Variants in SCFD2 observed in about 807,000 individuals in gnomAD.
The protein encoded by SCFD2 is sec1 family domain-containing protein 2.
In SCFD2, 54 loss-of-function variants were observed where a neutral mutation model predicts 58.9. The ratio of observed to expected loss-of-function variants is 0.92; its 90% CI spans 0.74 to 1.15. The LOEUF is 1.15. Ranked by LOEUF, SCFD2 falls within the 50% of genes most tolerant of loss-of-function variation. The pLI is 0.00. For synonymous variants in SCFD2, 321 were observed against 335.9 expected (o/e 0.96, Z 0.49); for missense variants, 805 against 836.6 (o/e 0.96, Z 0.47).
chr4:52,909,771 G>A (rs1034754335), intron 6 of SCFD2, among the ~76,000 whole-genome samples: 1 of 152,064 alleles, frequency 6.6e-6, no homozygotes, highest in Non-Finnish European at 1.5e-5. Context: ...TCAGGAAGTA[G>A]GAGACATTTA....
chr4:52,967,729 G>C (rs986394904), intron 5 of SCFD2, among the ~76,000 whole-genome samples: 1 of 152,154 alleles, frequency 6.6e-6, no homozygotes, highest in African/African-American at 2.4e-5. Context: ...CCATTGCCCT[G>C]TTTGCTGGTT....
At chr4:53,012,495 G>A (rs1170354233) in intron 5 of SCFD2, among the ~76,000 whole-genome samples, 2 of 152,028 alleles carry the variant, frequency 1.3e-5, no homozygotes, top group Non-Finnish European at 2.9e-5. Flanking sequence ...ACCCAGGGCT[G>A]GCTATTTGGT....
At chr4:53,162,569 T>C (rs1248096890) in intron 4 of SCFD2, among the ~76,000 whole-genome samples, 1 of 152,134 alleles carries the variant, frequency 6.6e-6, no homozygotes, top group Non-Finnish European at 1.5e-5. Context: ...TGTAAAAGTG[T>C]TCCTATTTCT....
intron 5 of SCFD2, among the ~76,000 whole-genome samples, chr4:53,007,606 T>C (rs1312327944): frequency 6.6e-6 from 1 of 152,118 alleles, no homozygotes; most frequent in East Asian, 1.9e-4. Context: ...ACCTCACTTC[T>C]CTATGTGTCA....
At chr4:52,874,600 GC>G (rs1264178896) in intron 8 of SCFD2, among the ~76,000 whole-genome samples, 1 of 152,142 alleles carries the variant, frequency 6.6e-6, no homozygotes, top group Non-Finnish European at 1.5e-5. Context: ...TAGTTCTGGA[GC>G]CTAGAAGTCC....
chr4:53,321,630 A>G (rs775502383), intron 2 of SCFD2, among the ~76,000 whole-genome samples: 1 of 152,218 alleles, frequency 6.6e-6, no homozygotes, highest in Non-Finnish European at 1.5e-5. Flanking sequence ...AGTTTTTCAC[A>G]GCAGGGAATA....
At chr4:53,228,945 C>T (rs1729325323) in intron 4 of SCFD2, among the ~76,000 whole-genome samples, 1 of 152,126 alleles carries the variant, frequency 6.6e-6, no homozygotes, top group African/African-American at 2.4e-5. Context: ...AATCAATGTG[C>T]AAAAATCACA....
chr4:53,163,923 T>C (rs1252390985), intron 4 of SCFD2, among the ~76,000 whole-genome samples: 1 of 152,192 alleles, frequency 6.6e-6, no homozygotes, highest in African/African-American at 2.4e-5. Context: ...CTTTTAAAAA[T>C]GTACTAGTAT....
chr4:53,248,725 C>T (rs563364818), intron 4 of SCFD2, among the ~76,000 whole-genome samples: 2 of 152,180 alleles, frequency 1.3e-5, no homozygotes, highest in Non-Finnish European at 2.9e-5. Context: ...CAAACTCCAA[C>T]AGACCTGCAG....
At chr4:53,209,464 T>C (rs1225682635) in intron 4 of SCFD2, among the ~76,000 whole-genome samples, 1 of 152,126 alleles carries the variant, frequency 6.6e-6, no homozygotes, top group Non-Finnish European at 1.5e-5. Flanking sequence ...TCTTGGAATA[T>C]AAGAATGTCC....
chr4:53,278,571 C>T (rs976830278), intron 3 of SCFD2, among the ~76,000 whole-genome samples: 2 of 151,708 alleles, frequency 1.3e-5, no homozygotes, highest in African/African-American at 4.8e-5. Flanking sequence ...ATCAGCATTT[C>T]CTAGCTGAGA....
At chr4:52,887,688 G>T (rs183786918) in intron 7 of SCFD2, among the ~76,000 whole-genome samples, 2 of 152,132 alleles carry the variant, frequency 1.3e-5, no homozygotes, top group African/African-American at 4.8e-5. Flanking sequence ...TGGGCAACAG[G>T]CTTCACCTCC....
chr4:53,016,220 G>T (rs959677195), intron 5 of SCFD2, among the ~76,000 whole-genome samples: 1 of 152,212 alleles, frequency 6.6e-6, no homozygotes, highest in African/African-American at 2.4e-5. Context: ...CACGCTGCTG[G>T]AAGCAGCTCT....
intron 4 of SCFD2, among the ~76,000 whole-genome samples, chr4:53,251,044 T>G (rs546086702): frequency 6.6e-6 from 1 of 151,956 alleles, no homozygotes; most frequent in Admixed American, 6.6e-5. Context: ...AAAATGACAA[T>G]GGGGATATCA....
intron 4 of SCFD2, among the ~76,000 whole-genome samples, chr4:53,212,776 G>T (rs1442845351): frequency 6.6e-6 from 1 of 151,642 alleles, no homozygotes; most frequent in Admixed American, 6.6e-5. Flanking sequence ...GGTGATGGTA[G>T]TTTTAAAAAG....
intron 7 of SCFD2, among the ~76,000 whole-genome samples, chr4:52,905,616 T>C (rs903284300): frequency 2.0e-5 from 3 of 152,286 alleles, no homozygotes; most frequent in East Asian, 3.9e-4. Context: ...AGATCAGTCT[T>C]AAGCTGGCAG....
At chr4:53,208,926 G>A (rs1464278868) in intron 4 of SCFD2, among the ~76,000 whole-genome samples, 1 of 152,126 alleles carries the variant, frequency 6.6e-6, no homozygotes, top group Admixed American at 6.5e-5. Flanking sequence ...GGGACTCTTG[G>A]CCACAGGAAT....
At chr4:53,332,773 A>T (rs1733532931) in intron 2 of SCFD2, among the ~76,000 whole-genome samples, 1 of 151,888 alleles carries the variant, frequency 6.6e-6, no homozygotes, top group African/African-American at 2.4e-5. Context: ...GAAGGAAATA[A>T]ACGGTATTCA....
chr4:53,252,212 C>T (rs979886334), intron 4 of SCFD2, among the ~76,000 whole-genome samples: 3 of 138,124 alleles, frequency 2.2e-5, no homozygotes, highest in African/African-American at 5.3e-5. Context: ...GAACTACAAA[C>T]CACTGCTCAA....
Sources: gnomAD v4.1 joint callset for allele counts (sites outside exome capture counted in the v4.1 genomes callset) on GRCh38, gnomAD v4.1.1 for gene constraint, MANE v1.5 for transcripts, NCBI Gene and HGNC (gene_info 2026-07-23, HGNC 2026-07-21) for gene names.